Variants in PTPRD observed in about 807,000 individuals in gnomAD.
PTPRD encodes protein tyrosine phosphatase receptor type D, also known as receptor-type tyrosine-protein phosphatase delta.
A neutral mutation model predicts 214.5 loss-of-function variants in PTPRD; 34 were observed. The ratio of observed to expected loss-of-function variants is 0.16; its 90% confidence interval spans 0.12 to 0.21. The LOEUF (loss-of-function observed/expected upper bound fraction) is 0.21, where lower values mean the gene tolerates loss of function less well. Among genes scored for constraint, PTPRD ranks in the 10% least tolerant of loss-of-function variants. PTPRD has a pLI of 1.00. For missense variants in PTPRD, 2,545 were observed against 2,398.7 expected (o/e 1.06, Z -1.27); for synonymous variants, 1,128 against 845.7 (o/e 1.33, Z -5.79).
At chr9:9,983,946 A>G (rs1588142831) in intron 4 of PTPRD, among the ~76,000 whole-genome samples, 1 of 152,156 alleles carries the variant, frequency 6.6e-6, no homozygotes, top group African/African-American at 2.4e-5. Flanking sequence ...TTAGAGACAT[A>G]ACTAAGGCTT....
intron 39 of PTPRD, among the ~76,000 whole-genome samples, chr9:8,352,574 A>G (rs76261013): frequency 0.05 from 7,564 of 152,230 alleles, 618 homozygotes; most frequent in African/African-American, 0.17. Context: ...TTACAATCAC[A>G]TGGACTACGT....
intron 3 of PTPRD, among the ~76,000 whole-genome samples, chr9:10,264,971 T>A (rs866120330): frequency 1.2e-4 from 19 of 152,122 alleles, no homozygotes; most frequent in Non-Finnish European, 2.2e-4. Flanking sequence ...CACATAGCTT[T>A]CATTCTCTCT....
At chr9:10,366,551 C>T (rs73644429) in intron 2 of PTPRD, among the ~76,000 whole-genome samples, 3,313 of 152,212 alleles carry the variant, frequency 0.022, 95 homozygotes, top group African/African-American at 0.068. Context: ...ATACTTAAGA[C>T]TAAATAGAAC....
Position 8,641,347 on chromosome 9 carries a change from G to C in PTPRD, c.65-4503C>G, listed in dbSNP as rs1275844283. Among the ~76,000 whole-genome samples, 3 of 148,302 alleles carry C rather than the reference G, an allele frequency of 2.0e-5. 1 individual carries two copies. Among genetic ancestry groups the C allele is most frequent in the African/African-American group, 5.3e-5 (2 of 37,728 alleles). On this transcript the variant is annotated intron_variant, in intron 12 of 45. Transcript: ENST00000381196. ...TCAAGGTATAAAGATGGGGAGAAAGGCATTAGAACTTTCCAGTCACCATTA... is the reference window on the plus strand; with the variant it reads ...TCAAGGTATAAAGATGGGGAGAAAGCCATTAGAACTTTCCAGTCACCATTA...
chr9:8,605,236 G>C (rs1009825000), intron 14 of PTPRD, among the ~76,000 whole-genome samples: 3 of 152,186 alleles, frequency 2.0e-5, no homozygotes, highest in East Asian at 3.9e-4. Flanking sequence ...AAATTTTGAA[G>C]TATATTAAAC....
chr9:10,200,843 T>A (rs189486184), intron 3 of PTPRD, among the ~76,000 whole-genome samples: 90 of 152,258 alleles, frequency 5.9e-4, no homozygotes, highest in African/African-American at 2.1e-3. Context: ...CTAGCATATT[T>A]GCAAAGGATG....
chr9:9,942,769 G>A (rs1044295819), intron 4 of PTPRD, among the ~76,000 whole-genome samples: 1 of 152,010 alleles, frequency 6.6e-6, no homozygotes, highest in East Asian at 1.9e-4. Context: ...GTATTTTTCT[G>A]TGAAATTTGT....
chr9:10,083,927 C>T (rs1298875301), intron 3 of PTPRD, among the ~76,000 whole-genome samples: 1 of 151,952 alleles, frequency 6.6e-6, no homozygotes, highest in Admixed American at 6.6e-5. Context: ...TCCCTGTCTG[C>T]ACTAGTCCAC....
intron 8 of PTPRD, among the ~76,000 whole-genome samples, chr9:9,425,552 TAACATA>T (rs1248017941): frequency 2.9e-5 from 4 of 136,954 alleles, no homozygotes; most frequent in Non-Finnish European, 6.2e-5. Context: ...TGCAGCCTCC[TAACATA>T]TACATCAGAA....
At chr9:10,037,596 A>C (rs1216240216) in intron 3 of PTPRD, among the ~76,000 whole-genome samples, 2 of 152,078 alleles carry the variant, frequency 1.3e-5, no homozygotes, top group Admixed American at 6.6e-5. Context: ...AAAAAAAAAA[A>C]AAACAAGCTA....
intron 3 of PTPRD, among the ~76,000 whole-genome samples, chr9:10,067,207 T>A (rs2097903072): frequency 1.3e-5 from 2 of 151,892 alleles, no homozygotes; most frequent in African/African-American, 4.8e-5. Flanking sequence ...AATCCACAGG[T>A]CCTTTGGAGG....
intron 2 of PTPRD, among the ~76,000 whole-genome samples, chr9:10,577,637 T>C (rs1307514734): frequency 6.6e-6 from 1 of 152,170 alleles, no homozygotes; most frequent in Non-Finnish European, 1.5e-5. Flanking sequence ...CTGTAGCAAT[T>C]TGTTACAGCA....
chr9:10,219,154 A>G (rs535699344), intron 3 of PTPRD, among the ~76,000 whole-genome samples: 28 of 151,926 alleles, frequency 1.8e-4, no homozygotes, highest in African/African-American at 6.5e-4. Flanking sequence ...ATCTTCATTT[A>G]TCTCTCAGGT....
chr9:10,340,485 G>A (rs1484250524), intron 3 of PTPRD, among the ~76,000 whole-genome samples: 2 of 151,766 alleles, frequency 1.3e-5, no homozygotes, highest in African/African-American at 4.8e-5. Flanking sequence ...TTTGGTTTAA[G>A]TACAAAATTG....
chr9:9,581,519 A>C (rs765998672), intron 7 of PTPRD, among the ~76,000 whole-genome samples: 2 of 152,164 alleles, frequency 1.3e-5, no homozygotes, highest in Non-Finnish European at 2.9e-5. Flanking sequence ...TAGGCAACAT[A>C]TTTGGGAAAA....
intron 2 of PTPRD, among the ~76,000 whole-genome samples, chr9:10,356,701 G>C (rs545608599): frequency 5.5e-4 from 82 of 150,196 alleles, no homozygotes; most frequent in Admixed American, 1.5e-3. Flanking sequence ...TTTTTTTTGA[G>C]ACAGAGTCTC....
chr9:9,871,700 G>C (rs951008500), intron 5 of PTPRD, among the ~76,000 whole-genome samples: 1 of 149,192 alleles, frequency 6.7e-6, no homozygotes, highest in Non-Finnish European at 1.5e-5. Context: ...AGGGGCAGAG[G>C]GTATGCAACC....
Position 9,270,565 on chromosome 9 carries a change from C to T in PTPRD, c.-202-87202G>A, listed in dbSNP as rs564884690. 4.0e-5 allele frequency among the ~76,000 whole-genome samples: 6 copies of T among 151,304 alleles called. No individual in the cohort carries two copies. In the South Asian group the frequency reaches 1.2e-3, roughly 31 times the overall value. Reference sequence around the variant, plus strand: ...AACTACAGAGTATAATGTGCTCATGCTGGTGAGTTAGGAAAGATCAGGTCA... The same window carrying T: ...AACTACAGAGTATAATGTGCTCATGTTGGTGAGTTAGGAAAGATCAGGTCA... On this transcript the variant is annotated intron_variant, in intron 9 of 45. Transcript: ENST00000381196.
At chr9:9,930,417 T>C (rs1602570813) in intron 5 of PTPRD, among the ~76,000 whole-genome samples, 1 of 152,220 alleles carries the variant, frequency 6.6e-6, no homozygotes, top group South Asian at 2.1e-4. Context: ...ACAATATTTC[T>C]ACAGAGTTTA....
Sources: allele counts gnomAD v4.1 joint callset (sites outside exome capture counted in the v4.1 genomes callset), GRCh38; gene constraint gnomAD v4.1.1; transcripts MANE v1.5; gene names NCBI Gene and HGNC (gene_info 2026-07-23, HGNC 2026-07-21).